FILIP1L: variants seen among roughly 807,000 people sequenced by gnomAD.
FILIP1L encodes the protein filamin A interacting protein 1 like.
A neutral mutation model predicts 96.6 loss-of-function variants in FILIP1L; 55 were observed. The observed-to-expected ratio is 0.57, with a 90% CI of 0.46 to 0.71. The LOEUF (loss-of-function observed/expected upper bound fraction) is 0.71, where lower values mean the gene tolerates loss of function less well. Among genes scored for constraint, FILIP1L ranks in the 30% least tolerant of loss-of-function variants. FILIP1L has a pLI of 0.00. For synonymous variants in FILIP1L, 467 were observed against 473.9 expected, an observed-to-expected ratio of 0.99 and a Z score of 0.19; for missense variants, 1,304 against 1,321.2, an observed-to-expected ratio of 0.99 and a Z score of 0.20.
chr3:99,997,889 T>C (rs768726078), intron 1 of FILIP1L, among the ~76,000 whole-genome samples: 32 of 152,242 alleles, frequency 2.1e-4, no homozygotes, highest in Non-Finnish European at 4.4e-4. Context: ...TAAAGTATAA[T>C]GCATTTTGAA....
intron 5 of FILIP1L, chr3:99,848,062 C>A: frequency 1.6e-6 from 2 of 1,282,216 alleles, no homozygotes; most frequent in Non-Finnish European, 9.9e-7. Flanking sequence ...AAATATTTTC[C>A]ATACAAGTAT....
chr3:99,889,721 A>G (rs1476937725), intron 4 of FILIP1L, among the ~76,000 whole-genome samples: 1 of 151,786 alleles, frequency 6.6e-6, no homozygotes, highest in Non-Finnish European at 1.5e-5. Context: ...TTCCTATTCT[A>G]TTAGGGATTA....
intron 4 of FILIP1L, among the ~76,000 whole-genome samples, chr3:99,870,487 C>T (rs555208441): frequency 1.0e-3 from 153 of 152,176 alleles, no homozygotes; most frequent in Non-Finnish European, 1.9e-3. Context: ...AGGGATGGGA[C>T]CATAATTGAA....
At chr3:100,098,571 G>A (rs941002377) in intron 1 of FILIP1L, among the ~76,000 whole-genome samples, 6 of 152,050 alleles carry the variant, frequency 3.9e-5, no homozygotes, top group East Asian at 3.9e-4. Context: ...ATTGAACTTC[G>A]GCTCTTGCTG....
intron 4 of FILIP1L, among the ~76,000 whole-genome samples, chr3:99,889,626 G>T (rs75821342): frequency 1.1e-3 from 171 of 151,650 alleles, no homozygotes; most frequent in Non-Finnish European, 1.9e-3. Flanking sequence ...CCACCTTTTT[G>T]TTGCTTTTAT....
chr3:100,080,475 A>G (rs1018573134), intron 1 of FILIP1L, among the ~76,000 whole-genome samples: 49 of 152,224 alleles, frequency 3.2e-4, no homozygotes, highest in African/African-American at 1.1e-3. Flanking sequence ...TTTCAATTTT[A>G]TAGTAAGAGA....
At chr3:99,971,159 A>C (rs1261216926) in intron 1 of FILIP1L, among the ~76,000 whole-genome samples, 2 of 152,176 alleles carry the variant, frequency 1.3e-5, no homozygotes, top group East Asian at 3.9e-4. Context: ...AACATGGTGA[A>C]ACCCCGTCTC....
chr3:100,053,858 G>A (rs1263489505), intron 1 of FILIP1L, among the ~76,000 whole-genome samples: 1 of 152,056 alleles, frequency 6.6e-6, no homozygotes, highest in African/African-American at 2.4e-5. Context: ...CTGCCCCCTG[G>A]GGCCAGATTT....
intron 1 of FILIP1L, among the ~76,000 whole-genome samples, chr3:100,087,379 G>C (rs1053818570): frequency 6.6e-6 from 1 of 152,208 alleles, no homozygotes; most frequent in African/African-American, 2.4e-5. Flanking sequence ...CAGTGGGTTA[G>C]TTTGGTTTTG....
At chr3:99,971,333 C>A (rs76587792) in intron 1 of FILIP1L, among the ~76,000 whole-genome samples, 466 of 121,272 alleles carry the variant, frequency 3.8e-3, no homozygotes, top group Middle Eastern at 8.5e-3. Context: ...GAGCCCATCT[C>A]AAAAAAAAAA....
At chr3:99,902,334 C>T (rs1706463889) in intron 4 of FILIP1L, among the ~76,000 whole-genome samples, 1 of 152,136 alleles carries the variant, frequency 6.6e-6, no homozygotes, top group African/African-American at 2.4e-5. Flanking sequence ...GAATAGATAT[C>T]TGTTGAATTG....
At chr3:99,959,777 GA>G (rs1708439916) in intron 1 of FILIP1L, among the ~76,000 whole-genome samples, 1 of 152,128 alleles carries the variant, frequency 6.6e-6, no homozygotes, top group Non-Finnish European at 1.5e-5. Flanking sequence ...TAATTGTATA[GA>G]AAACAATTAA....
At chr3:99,951,753 T>G (rs558994839) in intron 1 of FILIP1L, among the ~76,000 whole-genome samples, 11 of 152,310 alleles carry the variant, frequency 7.2e-5, no homozygotes, top group Admixed American at 2.0e-4. Context: ...CAGCAAACTC[T>G]TTCAGTAAGG....
chr3:99,833,715 C>T (rs1942780852), intron 5 of FILIP1L, among the ~76,000 whole-genome samples: 1 of 152,206 alleles, frequency 6.6e-6, no homozygotes, highest in South Asian at 2.1e-4. Flanking sequence ...GGGACTGCAT[C>T]ACACCTTAGC....
At chr3:99,948,879 A>C (rs945599568) in intron 1 of FILIP1L, among the ~76,000 whole-genome samples, 6 of 152,170 alleles carry the variant, frequency 3.9e-5, no homozygotes, top group African/African-American at 1.4e-4. Flanking sequence ...CCCTCTCAGC[A>C]GGACTTAGAG....
chr3:99,931,647 A>G (rs760217934), intron 1 of FILIP1L, among the ~76,000 whole-genome samples: 7 of 152,206 alleles, frequency 4.6e-5, no homozygotes, highest in Non-Finnish European at 1.0e-4. Flanking sequence ...TATTCCTGAC[A>G]TTCTTCTAAA....
In FILIP1L at chr3:99,845,635, C is replaced by T. The variant is rs574398171; in HGVS notation, c.3381+2660G>A. On this transcript the variant is annotated intron_variant, in intron 5 of 5. Coordinates refer to ENST00000477258, the MANE Select transcript of FILIP1L (RefSeq NM_001387850.1). ...CTCTTTCTCTCTCTCCTCTCTCACA[C>T]GCACACAAAAAAATATAAGAAATCT... Among the ~76,000 whole-genome samples, 4 of 152,246 alleles carry T rather than the reference C, an allele frequency of 2.6e-5. No homozygotes were observed. The East Asian group carries it at 5.8e-4, about 22-fold the overall frequency.
rs141319248 is a variant in FILIP1L at position 100,072,232 on chromosome 3, C to G, written c.-11+41821G>C. On this transcript the variant is annotated intron_variant, in intron 1 of 5. Coordinates refer to ENST00000477258, the MANE Select transcript of FILIP1L (RefSeq NM_001387850.1). ...CCAAAGTCTTTCAGCTCTATCTCCC[C>G]AAGCCCAAACCCAAGGATTATTCAG... 1.1e-4 allele frequency among the ~76,000 whole-genome samples: 17 copies of G among 152,318 alleles called. No individual in the cohort carries two copies. The East Asian group carries it at 3.3e-3, about 29-fold the overall frequency.
intron 1 of FILIP1L, among the ~76,000 whole-genome samples, chr3:99,938,072 T>TGC (rs764518476): frequency 4.2e-5 from 6 of 142,522 alleles, no homozygotes; most frequent in African/African-American, 8.1e-5. Context: ...TGTGTGTGTG[T>TGC]GTGCGCGCGC....
Sources: gnomAD v4.1 joint callset for allele counts (sites outside exome capture counted in the v4.1 genomes callset) on GRCh38, gnomAD v4.1.1 for gene constraint, MANE v1.5 for transcripts, NCBI Gene and HGNC (gene_info 2026-07-23, HGNC 2026-07-21) for gene names.